P2RY2: variants seen among roughly 807,000 people sequenced by gnomAD.
P2RY2 encodes purinergic receptor P2Y2, also known as P2Y purinoceptor 2.
For synonymous variants in P2RY2, 241 were observed against 231.9 expected (o/e 1.04, Z -0.35); for missense variants, 567 against 515.7 (o/e 1.10, Z -0.96).
chr11:73,228,196 G>T (rs1235843440), intron 2 of P2RY2, 21 bp downstream of exon 2: 7 of 134,632 alleles, frequency 5.2e-5, no homozygotes, highest in Non-Finnish European at 8.1e-5. Flanking sequence ...TGGGGGTGGG[G>T]GGGAGCGGGT....
chr11:73,231,060 C>T (rs1176487757), intron 2 of P2RY2, among the ~76,000 whole-genome samples: 2 of 152,144 alleles, frequency 1.3e-5, no homozygotes, highest in African/African-American at 2.4e-5. Context: ...CTGCCAGAGC[C>T]CCAGCATCTA....
At chr11:73,225,120 A>G (rs1862240636) in intron 1 of P2RY2, among the ~76,000 whole-genome samples, 1 of 152,350 alleles carries the variant, frequency 6.6e-6, no homozygotes, top group East Asian at 1.9e-4. Flanking sequence ...CAGTGGTGAC[A>G]GCACATTCTC....
intron 1 of P2RY2, among the ~76,000 whole-genome samples, chr11:73,223,731 T>C (rs1224498364): frequency 6.6e-6 from 1 of 152,210 alleles, no homozygotes; most frequent in Non-Finnish European, 1.5e-5. Context: ...CAGGACGTTG[T>C]GGTTCTGAGC....
chr11:73,233,919 C>T (rs889386898), intron 2 of P2RY2: 5 of 543,550 alleles, frequency 9.2e-6, no homozygotes, highest in Non-Finnish European at 1.6e-5. Context: ...TTTACAAAAG[C>T]AGACTGGATC....
chr11:73,235,066 C>T lies in P2RY2; in HGVS notation c.907C>T (p.Pro303Ser), dbSNP rs146157645. Reference protein sequence around the residue: ...PLASANSCLDPVLYFLAGQRL... With the variant: ...PLASANSCLDSVLYFLAGQRL... ...GGCCAGTGCTAACAGTTGCCTTGAC[C>T]CCGTGCTCTACTTCCTGGCTGGGCA... The change falls in exon 3 of 3, where the codon CCC (proline) becomes TCC (serine). Residue 303 changes from proline to serine, a missense_variant. Transcript: ENST00000393597. 1.7e-5 allele frequency: 28 copies of T among 1,608,020 alleles called. No homozygotes were observed. In the East Asian group the frequency reaches 6.0e-4, roughly 35 times the overall value.
At chr11:73,221,617 C>T (rs1037434095) in intron 1 of P2RY2, among the ~76,000 whole-genome samples, 6 of 152,198 alleles carry the variant, frequency 3.9e-5, no homozygotes, top group African/African-American at 2.4e-5. Context: ...TCATGCCTTC[C>T]ACCCAAACCG....
chr11:73,232,031 C>T (rs1336517319), intron 2 of P2RY2, among the ~76,000 whole-genome samples: 1 of 152,126 alleles, frequency 6.6e-6, no homozygotes, highest in East Asian at 1.9e-4. Context: ...GCCTTGGCAA[C>T]AGAGGTGGAC....
intron 2 of P2RY2, among the ~76,000 whole-genome samples, chr11:73,232,595 G>A (rs1477573585): frequency 1.3e-5 from 2 of 152,070 alleles, no homozygotes; most frequent in Non-Finnish European, 2.9e-5. Flanking sequence ...TTTTAGTAGA[G>A]ACAGGGTTTC....
At position 73,228,031 on chromosome 11, in the gene P2RY2, G is replaced by A. The variant is rs1056152000; in HGVS notation, c.-149G>A. The A allele has an allele frequency of 6.6e-6, 1 of 152,240 alleles. No individual in the cohort carries two copies. The highest frequency in any genetic ancestry group is 1.5e-5 in the Non-Finnish European group (1 of 68,082). 9.4% of individuals were successfully genotyped at this position (152,240 alleles called of 1,614,324 possible). A position where few individuals can be genotyped will look rare whatever the true frequency, so the allele number is the denominator to read the frequency against. Reference sequence around the variant, plus strand: ...CTGCCCAGAAAAATGCTGGAGGCTGGGCGTGGCCCCAGGCCTGGGGACCTG... The same window carrying A: ...CTGCCCAGAAAAATGCTGGAGGCTGAGCGTGGCCCCAGGCCTGGGGACCTG... On this transcript the variant is annotated 5_prime_UTR_variant, in exon 2 of 3. Coordinates refer to ENST00000393597, the MANE Select transcript of P2RY2 (RefSeq NM_002564.4).
intron 2 of P2RY2, among the ~76,000 whole-genome samples, chr11:73,230,286 C>A (rs1476889946): frequency 1.3e-5 from 2 of 151,874 alleles, no homozygotes; most frequent in African/African-American, 2.4e-5. Context: ...GTCTCCAGAG[C>A]CTCCCTCCCA....
Position 73,237,009 on chromosome 11 carries a change from C to T in P2RY2, c.*1716C>T, listed in dbSNP as rs540047174. The T allele has an allele frequency of 1.7e-5, 17 of 985,282 alleles. No individual in the cohort carries two copies. The African/African-American group carries it at 3.0e-4, about 17-fold the overall frequency. The allele number at this position is 985,282 out of a possible 1,614,324, so 61.0% of individuals were successfully genotyped here. The stretch of plus-strand genomic sequence containing the variant: ...GCCCTGTGGCCCACTCTGCCTGCCC[C>T]CTCTGACCTCTCCACCCTTCCCACT... On this transcript the variant is annotated 3_prime_UTR_variant, in exon 3 of 3. Coordinates refer to ENST00000393597, the MANE Select transcript of P2RY2 (RefSeq NM_002564.4).
Position 73,235,198 on chromosome 11 carries a change from C to A in P2RY2, c.1039C>A (p.Gln347Lys). The stretch of plus-strand genomic sequence containing the variant: ...GCGCAGATCCGACAGAACTGACATG[C>A]AGAGGATAGAAGATGTGTTGGGCAG... Reference protein sequence around the residue: ...GLRRSDRTDMQRIEDVLGSSE... With the variant: ...GLRRSDRTDMKRIEDVLGSSE... The change falls in exon 3 of 3, where the codon CAG becomes AAG. Residue 347 changes from glutamine (Q) to lysine (K), a missense_variant. Gln to Lys is a moderately conservative substitution (Grantham distance 53, BLOSUM62 1). Transcript: ENST00000393597. 6.2e-7 allele frequency: 1 copy of A among 1,612,624 alleles called. No homozygotes were observed.
Position 73,237,132 on chromosome 11 carries a change from C to T in P2RY2, c.*1839C>T, listed in dbSNP as rs888935515. On this transcript the variant is annotated 3_prime_UTR_variant, in exon 3 of 3. Transcript: ENST00000393597. ...ACAGAGACCCATCACAGACCATGAC[C>T]CAAATGATTACTCTGTACTGTGCCA... is the stretch of plus-strand genomic sequence containing the variant. 8 of 985,244 alleles carry T rather than the reference C, an allele frequency of 8.1e-6. No individual in the cohort carries two copies. Among genetic ancestry groups the T allele is most frequent in the Non-Finnish European group, 8.4e-6 (7 of 829,782 alleles). The allele number at this position is 985,244 out of a possible 1,614,324, so 61.0% of individuals were successfully genotyped here. A position where few individuals can be genotyped will look rare whatever the true frequency, so the allele number is the denominator to read the frequency against.
At position 73,234,258 on chromosome 11, in the gene P2RY2, C is replaced by G. The variant is rs73538722; in HGVS notation, c.99C>G (p.Tyr33Ter). 1.2e-5 allele frequency: 20 copies of G among 1,614,212 alleles called. No individual in the cohort carries two copies. In the African/African-American group the frequency reaches 2.7e-4, roughly 22 times the overall value. The change falls in exon 3 of 3, where the codon TAC becomes TAG. Residue 33 changes from tyrosine (Y) to a stop codon, truncating the protein, a stop_gained. Coordinates refer to ENST00000393597, the MANE Select transcript of P2RY2 (RefSeq NM_002564.4). LOFTEE classifies it low-confidence loss of function (END_TRUNC). ...YRCRFNEDFK[Y>*]VLLPVSYGVV... ...GCCGCTTCAACGAGGACTTCAAGTA[C>G]GTGCTGCTGCCTGTGTCCTACGGCG...
intron 1 of P2RY2, among the ~76,000 whole-genome samples, chr11:73,220,613 A>G (rs980251662): frequency 6.6e-6 from 1 of 152,226 alleles, no homozygotes; most frequent in Admixed American, 6.5e-5. Context: ...AAAGGAGGCC[A>G]GAACAAGTAA....
intron 1 of P2RY2, among the ~76,000 whole-genome samples, chr11:73,225,257 C>G (rs1383563753): frequency 3.9e-5 from 6 of 152,326 alleles, no homozygotes; most frequent in African/African-American, 9.6e-5. Context: ...CTGCCCAGCT[C>G]CTCCTCCTGA....
chr11:73,231,804 C>G (rs1862467110), intron 2 of P2RY2, among the ~76,000 whole-genome samples: 1 of 152,124 alleles, frequency 6.6e-6, no homozygotes, highest in Non-Finnish European at 1.5e-5. Context: ...AATCCCAGCA[C>G]TTTGAGAGAC....
chr11:73,231,271 CGCCATG>C (rs1862447015), intron 2 of P2RY2, among the ~76,000 whole-genome samples: 1 of 151,712 alleles, frequency 6.6e-6, no homozygotes, highest in South Asian at 2.1e-4. Context: ...ACTGGCCAGG[CGCCATG>C]GCCCACACCT....
chr11:73,220,597 G>C (rs1771758014), intron 1 of P2RY2, among the ~76,000 whole-genome samples: 1 of 152,208 alleles, frequency 6.6e-6, no homozygotes, highest in South Asian at 2.1e-4. Flanking sequence ...GCCCTGCCAG[G>C]CTCTAAAAGG....
Sources: gnomAD v4.1 joint callset for allele counts (sites outside exome capture counted in the v4.1 genomes callset) on GRCh38, gnomAD v4.1.1 for gene constraint, MANE v1.5 for transcripts, NCBI Gene and HGNC (gene_info 2026-07-23, HGNC 2026-07-21) for gene names.